IPO11: variants seen among roughly 807,000 people sequenced by gnomAD.
IPO11 encodes the protein importin 11, also known as importin-11.
IPO11 carries 66 observed loss-of-function variants against 143.2 expected under a neutral mutation model. The observed-to-expected ratio is 0.46, with a 90% confidence interval of 0.38 to 0.57. IPO11 has a LOEUF of 0.57. Among genes scored for constraint, IPO11 ranks in the 20% least tolerant of loss-of-function variants. The pLI, the probability that IPO11 is intolerant of heterozygous loss-of-function variation, is 0.00. For missense variants in IPO11, 1,026 were observed against 1,141.0 expected, an observed-to-expected ratio of 0.90 and a Z score of 1.45; for synonymous variants, 385 against 377.8, an observed-to-expected ratio of 1.02 and a Z score of -0.22.
At chr5:62,439,682 A>G (rs1384164287) in intron 2 of IPO11, among the ~76,000 whole-genome samples, 1 of 151,654 alleles carries the variant, frequency 6.6e-6, no homozygotes, top group Non-Finnish European at 1.5e-5. Context: ...TTGGCCTCCA[A>G]ATGTCTTTAT....
At chr5:62,447,591 C>CT (rs543600533) in intron 3 of IPO11, among the ~76,000 whole-genome samples, 145 of 143,304 alleles carry the variant, frequency 1.0e-3, no homozygotes, top group East Asian at 5.3e-3. Flanking sequence ...TTTTTTTATT[C>CT]TTTTTTTTTT....
In IPO11 at chr5:62,470,263, A is replaced by G; in HGVS notation, c.663A>G (p.Leu221=). The change falls in exon 7 of 30, where the codon TTA becomes TTG. Residue 221 remains leucine, a synonymous_variant. Coordinates refer to ENST00000325324, the MANE Select transcript of IPO11 (RefSeq NM_016338.5). ...TLLSLKVLRK[L]TVNGFVEPHK... is the part of the protein sequence containing the mutation. ...TTTGCTTTTCAGTGCTGCGTAAGTT[A>G]ACTGTTAATGGATTTGTGGAACCTC... 1 of 1,613,806 alleles carries G rather than the reference A, an allele frequency of 6.2e-7. No individual in the cohort carries two copies. Among genetic ancestry groups the G allele is most frequent in the Non-Finnish European group, 8.5e-7 (1 of 1,179,772 alleles).
rs751050799 is a variant in IPO11, at chr5:62,553,188, A to G, written c.2460+1852A>G. ...TGAGGTCATCTTTTTTAGCTTCTAC[A>G]TGTAAGTGAGAACACGTAGTATTTC... On this transcript the variant is annotated intron_variant, in intron 26 of 29. Transcript: ENST00000325324. Among the ~76,000 whole-genome samples, 6 of 152,222 alleles carry G rather than the reference A, an allele frequency of 3.9e-5. No homozygotes were observed. In the East Asian group the frequency reaches 5.8e-4, roughly 15 times the overall value.
intron 28 of IPO11, among the ~76,000 whole-genome samples, chr5:62,600,444 C>A (rs953119860): frequency 6.6e-6 from 1 of 152,166 alleles, no homozygotes; most frequent in Non-Finnish European, 1.5e-5. Flanking sequence ...GAATTTGATG[C>A]AGAATAAAGC....
intron 1 of IPO11, among the ~76,000 whole-genome samples, chr5:62,429,064 G>T (rs895882401): frequency 6.6e-6 from 1 of 152,106 alleles, no homozygotes; most frequent in Non-Finnish European, 1.5e-5. Context: ...CACTGAAAAG[G>T]GTATACAATT....
chr5:62,424,755 T>A (rs1743658968), intron 1 of IPO11, among the ~76,000 whole-genome samples: 1 of 152,188 alleles, frequency 6.6e-6, no homozygotes, highest in Non-Finnish European at 1.5e-5. Flanking sequence ...ATATTTGTTC[T>A]TATCTTAAAT....
At chr5:62,571,483 A>G (rs1462202557) in intron 27 of IPO11, among the ~76,000 whole-genome samples, 1 of 152,204 alleles carries the variant, frequency 6.6e-6, no homozygotes, top group Non-Finnish European at 1.5e-5. Flanking sequence ...CTGTTAAATC[A>G]ATTTGACCAA....
chr5:62,417,183 T>TC (rs1320585897), intron 1 of IPO11, among the ~76,000 whole-genome samples: 1 of 151,740 alleles, frequency 6.6e-6, no homozygotes, highest in Non-Finnish European at 1.5e-5. Flanking sequence ...GCCTCAAACT[T>TC]CAGGGCTCAA....
chr5:62,578,795 A>G (rs1023087139), intron 27 of IPO11: 6 of 351,026 alleles, frequency 1.7e-5, no homozygotes, highest in African/African-American at 1.3e-4. Flanking sequence ...GGTGACTTAA[A>G]AAAAAAAAAA....
At chr5:62,583,913 T>C (rs1744658791) in intron 27 of IPO11, among the ~76,000 whole-genome samples, 2 of 152,176 alleles carry the variant, frequency 1.3e-5, no homozygotes, top group African/African-American at 4.8e-5. Flanking sequence ...CTCTACCATT[T>C]ATTAAAAGTT....
intron 2 of IPO11, among the ~76,000 whole-genome samples, chr5:62,440,878 G>A (rs1035377734): frequency 3.3e-5 from 5 of 151,714 alleles, no homozygotes; most frequent in South Asian, 2.1e-4. Context: ...AAGGAGAATC[G>A]CTTGAACCCG....
intron 1 of IPO11, among the ~76,000 whole-genome samples, chr5:62,427,293 A>G (rs914142966): frequency 6.6e-6 from 1 of 152,092 alleles, no homozygotes; most frequent in Non-Finnish European, 1.5e-5. Flanking sequence ...TCCAAGCAGA[A>G]GTTTGTAGGT....
At chr5:62,591,532 A>C (rs1465769804) in intron 27 of IPO11, 45 bp from the exon 28 acceptor site, 1 of 1,095,622 alleles carries the variant, frequency 9.1e-7, no homozygotes, top group Non-Finnish European at 1.3e-6. Context: ...AAAAAGAATT[A>C]ATCTAGTATT....
At chr5:62,601,223 C>G (rs949258185) in intron 28 of IPO11, 8 of 152,210 alleles carry the variant, frequency 5.3e-5, no homozygotes, top group African/African-American at 1.9e-4. Context: ...TAGTAAAGAG[C>G]ATGGTGCAGA....
chr5:62,458,666 C>T (rs1245340683), intron 5 of IPO11, among the ~76,000 whole-genome samples: 1 of 152,100 alleles, frequency 6.6e-6, no homozygotes, highest in African/African-American at 2.4e-5. Flanking sequence ...GTGCTGTGAA[C>T]CTGTGGGGAT....
intron 19 of IPO11, among the ~76,000 whole-genome samples, chr5:62,510,873 C>T (rs963757652): frequency 2.6e-5 from 4 of 151,994 alleles, no homozygotes; most frequent in Admixed American, 6.6e-5. Flanking sequence ...GCTGGGATTA[C>T]GGGTGCACGC....
At chr5:62,557,331 A>G (rs1224379143) in intron 26 of IPO11, among the ~76,000 whole-genome samples, 2 of 152,020 alleles carry the variant, frequency 1.3e-5, no homozygotes, top group African/African-American at 4.8e-5. Flanking sequence ...TTATAGGTGC[A>G]CGCCACCAAG....
rs183164522 is a variant in IPO11 at position 62,582,121 on chromosome 5, T to C, written c.2583-9456T>C. The stretch of plus-strand genomic sequence containing the variant: ...TATCTTGAGGGCAACAGAGAGCCAT[T>C]GAAGGATTTTTAAGCAGTAGAGTGA... On this transcript the variant is annotated intron_variant, in intron 27 of 29. Coordinates refer to ENST00000325324, the MANE Select transcript of IPO11 (RefSeq NM_016338.5). 9.2e-5 allele frequency among the ~76,000 whole-genome samples: 14 copies of C among 152,254 alleles called. No individual in the cohort carries two copies. In the East Asian group the frequency reaches 2.7e-3, roughly 29 times the overall value.
At position 62,587,161 on chromosome 5, in the gene IPO11, G is replaced by T. The variant is rs1444404643; in HGVS notation, c.2583-4416G>T. 2.0e-5 allele frequency among the ~76,000 whole-genome samples: 3 copies of T among 151,926 alleles called. No individual in the cohort carries two copies. In the East Asian group the frequency reaches 5.8e-4, roughly 29 times the overall value. On this transcript the variant is annotated intron_variant, in intron 27 of 29. Transcript: ENST00000325324. ...TTGTAGTCTTGAAGATAATGGTTTT[G>T]TTGGAGGAGGGCGACACTGCTGTGT...
Sources: gnomAD v4.1 joint callset for allele counts (sites outside exome capture counted in the v4.1 genomes callset) on GRCh38, gnomAD v4.1.1 for gene constraint, MANE v1.5 for transcripts, NCBI Gene and HGNC (gene_info 2026-07-23, HGNC 2026-07-21) for gene names.